Variants in BIRC6 observed in about 807,000 individuals in gnomAD.
The protein encoded by BIRC6 is dual E2 ubiquitin-conjugating enzyme/E3 ubiquitin-protein ligase BIRC6.
A neutral mutation model predicts 503.3 loss-of-function variants in BIRC6; 98 were observed. The ratio of observed to expected loss-of-function variants is 0.19; its 90% CI spans 0.17 to 0.23. The LOEUF (loss-of-function observed/expected upper bound fraction) is 0.23. Ranked by LOEUF, BIRC6 falls within the 10% of genes least tolerant of loss-of-function variation. The pLI, the probability that BIRC6 is intolerant of heterozygous loss-of-function variation, is 1.00. For missense variants in BIRC6, 5,360 were observed against 5,806.0 expected (o/e 0.92, Z 2.50); for synonymous variants, 2,240 against 2,078.7 (o/e 1.08, Z -2.11).
intron 6 of BIRC6, among the ~76,000 whole-genome samples, chr2:32,399,109 A>G (rs1183048648): frequency 6.6e-6 from 1 of 152,008 alleles, no homozygotes; most frequent in Non-Finnish European, 1.5e-5. Context: ...TTTTGGAGAC[A>G]CAGTCTTACT....
chr2:32,543,161 A>T, intron 61 of BIRC6, 80 bp from the exon 62 acceptor site: 1 of 1,362,080 alleles, frequency 7.3e-7, no homozygotes, highest in Non-Finnish European at 1.0e-6. Context: ...TTTTAAAGAG[A>T]TCATTTAAAG....
intron 2 of BIRC6, chr2:32,379,550 T>A (rs1452904801): frequency 2.0e-5 from 3 of 152,212 alleles, no homozygotes; most frequent in Non-Finnish European, 4.4e-5. Flanking sequence ...GTAACTGTTG[T>A]TCAGATAATA....
rs562418075 is a variant in BIRC6, at chr2:32,416,135, C to A, written c.2844C>A (p.Gly948=). The A allele has an allele frequency of 1.9e-6, 3 of 1,610,026 alleles. No homozygotes were observed. Among genetic ancestry groups the A allele is most frequent in the East Asian group, 2.2e-5 (1 of 44,862 alleles). ...DTFVSVIYCS[G]TDRLCACTKG... Reference sequence around the variant, plus strand: ...TTGTTTCTGTGATTTACTGTTCTGGCACAGACAGGCTGTGTGCATGCACCA... The same window carrying A: ...TTGTTTCTGTGATTTACTGTTCTGGAACAGACAGGCTGTGTGCATGCACCA... Residue 948 remains glycine, a synonymous_variant, in exon 10 of 74, where the codon GGC becomes GGA. Coordinates refer to ENST00000421745, the MANE Select transcript of BIRC6 (RefSeq NM_016252.4).
intron 66 of BIRC6, chr2:32,590,953 A>G: frequency 1.0e-6 from 1 of 985,816 alleles, no homozygotes; most frequent in Non-Finnish European, 1.2e-6. Flanking sequence ...ATAGCTTTTC[A>G]CACAGACTTC....
intron 12 of BIRC6, 104 bp from the exon 13 acceptor site, chr2:32,433,540 G>C: frequency 1.0e-6 from 1 of 1,003,612 alleles, no homozygotes; most frequent in East Asian, 2.7e-5. Flanking sequence ...AGATTTTGTT[G>C]GAAGCTGCAA....
rs758765316 is a variant in BIRC6, at chr2:32,515,325, T to A, written c.10904T>A (p.Leu3635His). 1 of 1,613,936 alleles carries A rather than the reference T, an allele frequency of 6.2e-7. No homozygotes were observed. The highest frequency in any genetic ancestry group is 1.1e-5 in the South Asian group (1 of 91,084). The change falls in exon 55 of 74, where the codon CTT (leucine) becomes CAT (histidine). Residue 3635 changes from leucine (L) to histidine (H), a missense_variant. Transcript: ENST00000421745. ...QLLDSGLPSL[L>H]VRSLASFCFS... ...CTAGACTCAGGTTTGCCTTCTCTTCTTGTGAGGAGTCTGGCTAGTTTCTGC... is the reference window on the plus strand; with the variant it reads ...CTAGACTCAGGTTTGCCTTCTCTTCATGTGAGGAGTCTGGCTAGTTTCTGC...
At chr2:32,543,715 C>T (rs943245367) in intron 62 of BIRC6, among the ~76,000 whole-genome samples, 174 bp downstream of exon 62, 3 of 152,168 alleles carry the variant, frequency 2.0e-5, no homozygotes, top group African/African-American at 7.2e-5. Flanking sequence ...AAAGAATCTT[C>T]ATTTTCATCT....
At chr2:32,429,413 A>G (rs1022993544) in intron 11 of BIRC6, 118 bp downstream of exon 11, 47 of 737,268 alleles carry the variant, frequency 6.4e-5, no homozygotes, top group Non-Finnish European at 8.7e-5. Flanking sequence ...CCTGTATGGT[A>G]TGTTACTCAA....
rs1380120981 is a variant in BIRC6 at position 32,487,105 on chromosome 2, A to T, written c.7814-542A>T. ...GCACACAGCTGTCTCTCTTTTTAGT[A>T]TAATAATAAAATAAGGCTCTAAATA... On this transcript the variant is annotated intron_variant, in intron 40 of 73. Coordinates refer to ENST00000421745, the MANE Select transcript of BIRC6 (RefSeq NM_016252.4). Among the ~76,000 whole-genome samples, 3 of 152,062 alleles carry T rather than the reference A, an allele frequency of 2.0e-5. No individual in the cohort carries two copies. In the East Asian group the frequency reaches 5.8e-4, roughly 29 times the overall value.
intron 1 of BIRC6, among the ~76,000 whole-genome samples, chr2:32,368,430 C>T (rs1178208154): frequency 1.3e-5 from 2 of 152,056 alleles, no homozygotes; most frequent in Non-Finnish European, 2.9e-5. Flanking sequence ...ATCCCAGCTA[C>T]TCAGGAGGCT....
chr2:32,438,877 T>G (rs2045064135), intron 15 of BIRC6, among the ~76,000 whole-genome samples: 1 of 152,200 alleles, frequency 6.6e-6, no homozygotes. Context: ...GTGCTTTCTT[T>G]GTGCCAAGCA....
intron 19 of BIRC6, 71 bp downstream of exon 19, chr2:32,442,526 A>G (rs1000686138): frequency 1.8e-5 from 26 of 1,425,126 alleles, no homozygotes; most frequent in Admixed American, 2.6e-5. Context: ...TACCTTGTTT[A>G]TAGTGTGATT....
chr2:32,467,880 A>G (rs2048726663), intron 27 of BIRC6, 23 bp from the exon 28 acceptor site: 2 of 1,569,582 alleles, frequency 1.3e-6, no homozygotes, highest in East Asian at 4.7e-5. Context: ...GTATATATGT[A>G]TATTTATAAT....
At chr2:32,400,841 A>G (rs1052277350) in intron 6 of BIRC6, among the ~76,000 whole-genome samples, 2 of 152,222 alleles carry the variant, frequency 1.3e-5, no homozygotes, top group Non-Finnish European at 2.9e-5. Flanking sequence ...TGAGGAAATA[A>G]CAGGAGTTTA....
At chr2:32,490,625 T>A (rs2051585339) in intron 43 of BIRC6, among the ~76,000 whole-genome samples, 1 of 152,210 alleles carries the variant, frequency 6.6e-6, no homozygotes, top group African/African-American at 2.4e-5. Flanking sequence ...GATAATATAG[T>A]CTCATATGTC....
intron 10 of BIRC6, among the ~76,000 whole-genome samples, 170 bp from the exon 11 acceptor site, chr2:32,428,976 T>C (rs1314808758): frequency 6.6e-6 from 1 of 152,246 alleles, no homozygotes; most frequent in Non-Finnish European, 1.5e-5. Flanking sequence ...TTGGTTTCAA[T>C]TTGTAATTCC....
At chr2:32,546,575 T>C (rs2058065512) in intron 63 of BIRC6, among the ~76,000 whole-genome samples, 3 of 150,728 alleles carry the variant, frequency 2.0e-5, no homozygotes, top group South Asian at 4.1e-4. Flanking sequence ...AGTGAAACTG[T>C]GTCTCAAAAA....
chr2:32,421,575 T>G (rs79056387), intron 10 of BIRC6, among the ~76,000 whole-genome samples: 3,493 of 152,334 alleles, frequency 0.023, 129 homozygotes, highest in African/African-American at 0.08. Flanking sequence ...ATTTCCCTTG[T>G]GATTTCTTGT....
chr2:32,574,047 A>T (rs756041778), intron 65 of BIRC6, among the ~76,000 whole-genome samples: 26 of 152,258 alleles, frequency 1.7e-4, no homozygotes, highest in Non-Finnish European at 3.4e-4. Flanking sequence ...GTGCTTCTTA[A>T]ATATCTGCTG....
Sources: gnomAD v4.1 joint callset for allele counts (sites outside exome capture counted in the v4.1 genomes callset) on GRCh38, gnomAD v4.1.1 for gene constraint, MANE v1.5 for transcripts, NCBI Gene and HGNC (gene_info 2026-07-23, HGNC 2026-07-21) for gene names.